DPP6: variants seen among roughly 807,000 people sequenced by gnomAD.
DPP6 encodes the protein dipeptidyl peptidase like 6.
In DPP6, 69 loss-of-function variants were observed where a neutral mutation model predicts 122.6. That is an observed-to-expected ratio of 0.56 (90% confidence interval 0.46 to 0.69). DPP6 has a LOEUF of 0.69. DPP6 is among the 30% of genes least tolerant of loss of function. The probability of loss-of-function intolerance (pLI) is 0.00; values close to 1 mark genes in which losing one functional copy is unlikely to be tolerated. For missense variants in DPP6, 928 were observed against 1,116.9 expected, an observed-to-expected ratio of 0.83 and a Z score of 2.41; for synonymous variants, 418 against 433.1, an observed-to-expected ratio of 0.97 and a Z score of 0.43.
chr7:154,599,439 A>C lies in DPP6; in HGVS notation c.627+32523A>C, dbSNP rs76059620. Among the ~76,000 whole-genome samples the C allele has an allele frequency of 2.0e-5, 3 of 152,068 alleles. No individual in the cohort carries two copies. In the East Asian group the frequency reaches 5.8e-4, roughly 29 times the overall value. ...GTGACGAGGTGAATATTTGTGGGTAAGGCAAGAACTTTCTTTCTTTCTCAG... is the reference window on the plus strand; with the variant it reads ...GTGACGAGGTGAATATTTGTGGGTACGGCAAGAACTTTCTTTCTTTCTCAG... On this transcript the variant is annotated intron_variant, in intron 5 of 25. Coordinates refer to ENST00000377770, the MANE Select transcript of DPP6 (RefSeq NM_130797.4).
At chr7:153,758,102 G>A in the DPP6 span, among the ~76,000 whole-genome samples, 1 of 152,232 alleles carries the variant, frequency 6.6e-6, no homozygotes, top group Non-Finnish European at 1.5e-5. Context: ...TTAGACTTCA[G>A]TGTAAAAATT....
At chr7:154,247,478 G>A (rs1173396710) in intron 1 of DPP6, among the ~76,000 whole-genome samples, 2 of 152,078 alleles carry the variant, frequency 1.3e-5, no homozygotes, top group Non-Finnish European at 2.9e-5. Flanking sequence ...TATCTAAATG[G>A]TCAATAAGCA....
At chr7:154,580,232 T>C (rs942632232) in intron 5 of DPP6, among the ~76,000 whole-genome samples, 3 of 147,124 alleles carry the variant, frequency 2.0e-5, no homozygotes, top group Non-Finnish European at 3.0e-5. Flanking sequence ...CTCCCCCTTA[T>C]ACACACACAC....
intron 4 of DPP6, among the ~76,000 whole-genome samples, chr7:154,557,326 G>C (rs1830117362): frequency 6.6e-6 from 1 of 152,146 alleles, no homozygotes; most frequent in African/African-American, 2.4e-5. Flanking sequence ...AGCATCGTTA[G>C]CAATTGACCC....
At chr7:154,583,067 T>C (rs10259239) in intron 5 of DPP6, among the ~76,000 whole-genome samples, 12,042 of 152,234 alleles carry the variant, frequency 0.079, 1,205 homozygotes, top group African/African-American at 0.24. Flanking sequence ...AGCCCACTGG[T>C]AACTGTACTT....
At chr7:154,642,188 C>A (rs1166720364) in intron 6 of DPP6, among the ~76,000 whole-genome samples, 4 of 152,142 alleles carry the variant, frequency 2.6e-5, no homozygotes, top group Non-Finnish European at 5.9e-5. Context: ...GACCCTGCAG[C>A]CACATAGACC....
chr7:154,791,323 G>A (rs1270938585), intron 10 of DPP6, among the ~76,000 whole-genome samples: 2 of 152,096 alleles, frequency 1.3e-5, no homozygotes, highest in Admixed American at 1.3e-4. Context: ...TAGAAAGAGA[G>A]AGGTTTCATA....
At chr7:153,838,281 C>CA in the DPP6 span, among the ~76,000 whole-genome samples, 1 of 152,104 alleles carries the variant, frequency 6.6e-6, no homozygotes. Flanking sequence ...AGTCCACAGC[C>CA]ACAAACCCAG....
At chr7:154,819,082 G>A (rs902315350) in intron 16 of DPP6, among the ~76,000 whole-genome samples, 1 of 152,066 alleles carries the variant, frequency 6.6e-6, no homozygotes, top group African/African-American at 2.4e-5. Flanking sequence ...CTACATCAGA[G>A]GCCATGTCCT....
intron 1 of DPP6, among the ~76,000 whole-genome samples, chr7:154,004,312 G>A (rs533344763): frequency 6.6e-6 from 1 of 152,354 alleles, no homozygotes; most frequent in South Asian, 2.1e-4. Context: ...GGTTCATGGA[G>A]CCATAGGGGT....
chr7:154,506,224 G>A (rs1227267258), intron 3 of DPP6, among the ~76,000 whole-genome samples: 1 of 149,686 alleles, frequency 6.7e-6, no homozygotes, highest in Non-Finnish European at 1.5e-5. Flanking sequence ...TTTACACACA[G>A]TTTTTTTTTT....
rs78259466 is a variant in DPP6 at position 154,892,273 on chromosome 7, C to A, written c.2452-61C>A. 1,456 of 1,608,762 alleles carry A rather than the reference C, an allele frequency of 9.1e-4. 20 individuals are homozygous for A. In the African/African-American group the frequency reaches 0.016, roughly 18 times the overall value. On this transcript the variant is annotated intron_variant, in intron 25 of 25. Coordinates refer to ENST00000377770, the MANE Select transcript of DPP6 (RefSeq NM_130797.4). Reference sequence around the variant, plus strand: ...TTCACTAAACTCCACACCTTCTGTGCGTTCCCGTCCCCTGGGGAGCGTATA... The same window carrying A: ...TTCACTAAACTCCACACCTTCTGTGAGTTCCCGTCCCCTGGGGAGCGTATA...
chr7:154,746,401 T>C (rs1843037958), intron 8 of DPP6, among the ~76,000 whole-genome samples: 1 of 152,162 alleles, frequency 6.6e-6, no homozygotes, highest in Non-Finnish European at 1.5e-5. Flanking sequence ...TTGGTCTATT[T>C]GACACCTAAT....
At position 154,457,973 on chromosome 7, in the gene DPP6, A is replaced by T. The variant is rs1316355088; in HGVS notation, c.358+11645A>T. ...TGTACCCTAAAACTTAGAGTATAAT[A>T]AAAAAAAAAAAAAAGAAGGAAATAG... On this transcript the variant is annotated intron_variant, in intron 2 of 25. Coordinates refer to ENST00000377770, the MANE Select transcript of DPP6 (RefSeq NM_130797.4). 2.3e-4 allele frequency among the ~76,000 whole-genome samples: 4 copies of T among 17,138 alleles called. 2 individuals are homozygous for T. Among genetic ancestry groups the T allele is most frequent in the African/African-American group, 6.4e-4 (4 of 6,294 alleles). 11.2% of individuals were successfully genotyped at this position (17,138 alleles called of 152,430 possible).
chr7:154,287,632 G>A (rs1257384401), intron 1 of DPP6, among the ~76,000 whole-genome samples: 1 of 152,222 alleles, frequency 6.6e-6, no homozygotes, highest in East Asian at 1.9e-4. Flanking sequence ...AGGACTCGGT[G>A]TGTTCCCCAC....
intron 3 of DPP6, among the ~76,000 whole-genome samples, chr7:154,535,125 A>C (rs1456879757): frequency 6.6e-6 from 1 of 152,186 alleles, no homozygotes; most frequent in East Asian, 1.9e-4. Flanking sequence ...GGAAAAAGAC[A>C]ATCTTTTCAA....
chr7:153,936,771 A>T (rs1410782249), intron 1 of DPP6, among the ~76,000 whole-genome samples: 1 of 151,766 alleles, frequency 6.6e-6, no homozygotes, highest in Non-Finnish European at 1.5e-5. Context: ...AGATCAAGCC[A>T]CTGCACTCCA....
rs1486462464 is a variant in DPP6 at position 154,892,800 on chromosome 7, C to T, written c.*320C>T. ...ATGGTGGCCGCAGGCCCCACGCGAG[C>T]CCACAGGACACCGGCCCCTAGATTC... On this transcript the variant is annotated 3_prime_UTR_variant, in exon 26 of 26. Coordinates refer to ENST00000377770, the MANE Select transcript of DPP6 (RefSeq NM_130797.4). The T allele has an allele frequency of 3.4e-6, 2 of 582,416 alleles. No homozygotes were observed. Among genetic ancestry groups the T allele is most frequent in the Non-Finnish European group, 6.6e-6 (2 of 303,026 alleles). The allele number at this position is 582,416 out of a possible 1,614,324, so 36.1% of individuals were successfully genotyped here. A position where few individuals can be genotyped will look rare whatever the true frequency, so the allele number is the denominator to read the frequency against.
rs145489612 is a variant in DPP6, at chr7:154,330,691, A to G, written c.244-115523A>G. On this transcript the variant is annotated intron_variant, in intron 1 of 25. Coordinates refer to ENST00000377770, the MANE Select transcript of DPP6 (RefSeq NM_130797.4). ...AGAGGCAACCGTGTACTTCTGGTGTACTTCTGCGTGCACGTTGGTGTACAC... is the reference window on the plus strand; with the variant it reads ...AGAGGCAACCGTGTACTTCTGGTGTGCTTCTGCGTGCACGTTGGTGTACAC... Among the ~76,000 whole-genome samples, 489 of 152,294 alleles carry G rather than the reference A, an allele frequency of 3.2e-3. 16 individuals carry two copies. Among genetic ancestry groups the G allele is most frequent in the Admixed American group, 0.03 (462 of 15,294 alleles).
Sources: gnomAD v4.1 joint callset for allele counts (sites outside exome capture counted in the v4.1 genomes callset) on GRCh38, gnomAD v4.1.1 for gene constraint, MANE v1.5 for transcripts, NCBI Gene and HGNC (gene_info 2026-07-23, HGNC 2026-07-21) for gene names.